DMGDH: variants seen among roughly 807,000 people sequenced by gnomAD.
DMGDH encodes dimethylglycine dehydrogenase.
A neutral mutation model predicts 95.2 loss-of-function variants in DMGDH; 76 were observed. The ratio of observed to expected loss-of-function variants is 0.80; its 90% CI spans 0.66 to 0.97. The LOEUF is 0.97. Among genes scored for constraint, DMGDH ranks in the 50% least tolerant of loss-of-function variants. DMGDH has a pLI of 0.00. For missense variants in DMGDH, 987 were observed against 1,055.0 expected (o/e 0.94, Z 0.89); for synonymous variants, 345 against 377.6 (o/e 0.91, Z 1.00).
chr5:79,068,785 G>A (rs1026164079), intron 1 of DMGDH, among the ~76,000 whole-genome samples: 1 of 152,158 alleles, frequency 6.6e-6, no homozygotes, highest in African/African-American at 2.4e-5. Context: ...ATCAAAACAA[G>A]GACATGCCAT....
intron 7 of DMGDH, among the ~76,000 whole-genome samples, chr5:79,034,260 A>G (rs1008311939): frequency 3.3e-5 from 5 of 152,210 alleles, no homozygotes; most frequent in Non-Finnish European, 2.9e-5. Flanking sequence ...CATTCAGGCA[A>G]AGAGGCCCTC....
At chr5:79,002,942 G>A (rs1304464853) in intron 15 of DMGDH, among the ~76,000 whole-genome samples, 5 of 152,212 alleles carry the variant, frequency 3.3e-5, no homozygotes, top group African/African-American at 1.2e-4. Context: ...AGATGGCAAG[G>A]AATATAGCAT....
intron 5 of DMGDH, among the ~76,000 whole-genome samples, chr5:79,044,970 C>T (rs1473393267): frequency 6.6e-6 from 1 of 152,164 alleles, no homozygotes; most frequent in Non-Finnish European, 1.5e-5. Context: ...CCCTGTGTTG[C>T]TGTGACCAAC....
chr5:79,030,460 T>C, intron 10 of DMGDH: 1 of 264,714 alleles, frequency 3.8e-6, no homozygotes, highest in Non-Finnish European at 7.3e-6. Flanking sequence ...GAGACCAACA[T>C]ATAGTGAAAC....
At chr5:78,999,395 A>T (rs987756616) in intron 15 of DMGDH, among the ~76,000 whole-genome samples, 3 of 152,080 alleles carry the variant, frequency 2.0e-5, no homozygotes, top group Admixed American at 1.3e-4. Context: ...CAGTGGCTCC[A>T]TCTCAGCTCA....
chr5:79,036,224 T>A (rs1580206885), intron 7 of DMGDH, among the ~76,000 whole-genome samples: 2 of 152,214 alleles, frequency 1.3e-5, no homozygotes, highest in Admixed American at 1.3e-4. Context: ...GTATGACCAG[T>A]TGAAAGGATT....
intron 14 of DMGDH, among the ~76,000 whole-genome samples, chr5:79,015,107 C>T (rs1435099497): frequency 6.6e-6 from 1 of 152,102 alleles, no homozygotes; most frequent in Non-Finnish European, 1.5e-5. Flanking sequence ...GGACTCTCTG[C>T]TTGGCTACCC....
chr5:79,061,233 AC>A, intron 2 of DMGDH, among the ~76,000 whole-genome samples: 1 of 135,438 alleles, frequency 7.4e-6, no homozygotes, highest in African/African-American at 3.6e-5. Flanking sequence ...ACACACACAC[AC>A]ACACACACAC....
At chr5:79,017,175 A>G (rs964947264) in intron 14 of DMGDH, among the ~76,000 whole-genome samples, 1 of 152,204 alleles carries the variant, frequency 6.6e-6, no homozygotes, top group Non-Finnish European at 1.5e-5. Flanking sequence ...GATTCATAAA[A>G]GAACAATTGA....
chr5:79,059,371 C>T (rs2112670504), intron 2 of DMGDH, among the ~76,000 whole-genome samples: 1 of 152,332 alleles, frequency 6.6e-6, no homozygotes, highest in South Asian at 2.1e-4. Context: ...GAGAGAAGTG[C>T]ACGATTGGCT....
intron 2 of DMGDH, among the ~76,000 whole-genome samples, chr5:79,056,213 G>A (rs556260486): frequency 6.6e-6 from 1 of 152,288 alleles, no homozygotes; most frequent in South Asian, 2.1e-4. Flanking sequence ...GATTTAGATG[G>A]AAGGTTTAGG....
chr5:79,052,796 C>T (rs1463609777), intron 4 of DMGDH, among the ~76,000 whole-genome samples: 1 of 152,168 alleles, frequency 6.6e-6, no homozygotes, highest in African/African-American at 2.4e-5. Context: ...AGTGCAACAC[C>T]AATCTGCCAT....
rs774537823 is a variant in DMGDH at position 79,051,257 on chromosome 5, A to C, written c.745+30T>G. 50 of 1,607,304 alleles carry C rather than the reference A, an allele frequency of 3.1e-5. 1 individual carries two copies. In the South Asian group the frequency reaches 5.3e-4, roughly 17 times the overall value. The stretch of plus-strand genomic sequence containing the variant: ...ATCTTCTTTCTTTGGCACTTAAAAA[A>C]CACTAATTTCAAAAAAATGATATGC... On this transcript the variant is annotated intron_variant, in intron 5 of 15. Coordinates refer to ENST00000255189, the MANE Select transcript of DMGDH (RefSeq NM_013391.3).
intron 14 of DMGDH, among the ~76,000 whole-genome samples, chr5:79,011,802 G>A (rs1753651887): frequency 6.6e-6 from 1 of 152,044 alleles, no homozygotes; most frequent in African/African-American, 2.4e-5. Context: ...ACTCACTATT[G>A]CGAGGACAGT....
intron 12 of DMGDH, among the ~76,000 whole-genome samples, chr5:79,027,622 A>C (rs1028114198): frequency 6.6e-6 from 1 of 152,170 alleles, no homozygotes; most frequent in African/African-American, 2.4e-5. Flanking sequence ...TCTCTGTATC[A>C]AATACCTACC....
At chr5:79,029,817 T>G (rs537081787) in intron 11 of DMGDH, 87 bp downstream of exon 11, 9 of 1,349,766 alleles carry the variant, frequency 6.7e-6, no homozygotes, top group Non-Finnish European at 8.3e-6. Flanking sequence ...AAGTTGTACT[T>G]TCGAGTACTG....
intron 9 of DMGDH, 83 bp downstream of exon 9, chr5:79,032,604 T>C: frequency 1.3e-6 from 2 of 1,569,772 alleles, no homozygotes; most frequent in Non-Finnish European, 1.8e-6. Flanking sequence ...AGCAATGGAG[T>C]GTAAGGCAGA....
In DMGDH at chr5:79,050,269, AAAAAATATATATATAT is replaced by A. The variant is rs1285674610; in HGVS notation, c.745+1002_745+1017del. ...GTCTCAAAAAAAAAAAAAAAAAAAA[AAAAAATATATATATAT>A]ATATATATATATATATACCTCAAAA... On this transcript the variant is annotated intron_variant, in intron 5 of 15. Coordinates refer to ENST00000255189, the MANE Select transcript of DMGDH (RefSeq NM_013391.3). 0.013 allele frequency among the ~76,000 whole-genome samples: 341 copies of A among 26,458 alleles called. 3 individuals are homozygous for A. In the East Asian group the frequency reaches 0.24, roughly 19 times the overall value. The allele number at this position is 26,458 out of a possible 152,430, so 17.4% of individuals were successfully genotyped here.
chr5:79,028,714 ATC>A, intron 11 of DMGDH, 64 bp from the exon 12 acceptor site: 1 of 1,527,528 alleles, frequency 6.5e-7, no homozygotes, highest in Non-Finnish European at 9.1e-7. Flanking sequence ...GTAATAAATT[ATC>A]TCTCTGAAGA....
Sources: gnomAD v4.1 joint callset for allele counts (sites outside exome capture counted in the v4.1 genomes callset) on GRCh38, gnomAD v4.1.1 for gene constraint, MANE v1.5 for transcripts, NCBI Gene and HGNC (gene_info 2026-07-23, HGNC 2026-07-21) for gene names.